Variants in GNA12 observed in about 807,000 individuals in gnomAD.
The protein encoded by GNA12 is guanine nucleotide-binding protein subunit alpha-12.
GNA12 carries 9 observed loss-of-function variants against 26.0 expected under a neutral mutation model. That is an observed-to-expected ratio of 0.35 (90% CI 0.21 to 0.60). The LOEUF (loss-of-function observed/expected upper bound fraction) is 0.60, where lower values mean the gene tolerates loss of function less well. Ranked by LOEUF, GNA12 falls within the 20% of genes least tolerant of loss-of-function variation. The pLI is 0.78. For missense variants in GNA12, 405 were observed against 525.8 expected (o/e 0.77, Z 2.25); for synonymous variants, 264 against 219.6 (o/e 1.20, Z -1.79).
At chr7:2,818,650 C>A (rs977992803) in intron 1 of GNA12, among the ~76,000 whole-genome samples, 8 of 151,976 alleles carry the variant, frequency 5.3e-5, no homozygotes, top group Admixed American at 2.0e-4. Context: ...GTAGTCCCAG[C>A]TCCTCAAGTG....
chr7:2,757,028 T>G (rs1216779551), intron 2 of GNA12, among the ~76,000 whole-genome samples: 1 of 152,070 alleles, frequency 6.6e-6, no homozygotes, highest in African/African-American at 2.4e-5. Context: ...GAACCGTGAT[T>G]GTGCCAGTGG....
chr7:2,811,929 C>T (rs565998575), intron 1 of GNA12, among the ~76,000 whole-genome samples: 7 of 152,346 alleles, frequency 4.6e-5, no homozygotes, highest in African/African-American at 1.7e-4. Context: ...TCTTATAAAA[C>T]GAAAGGAAAT....
chr7:2,801,022 T>A (rs1792796542), intron 1 of GNA12, among the ~76,000 whole-genome samples: 1 of 151,910 alleles, frequency 6.6e-6, no homozygotes, highest in South Asian at 2.1e-4. Flanking sequence ...GCACACAGAT[T>A]TCTCTGGCGA....
intron 2 of GNA12, among the ~76,000 whole-genome samples, chr7:2,773,111 T>G (rs1158456417): frequency 6.6e-6 from 1 of 151,298 alleles, no homozygotes; most frequent in Non-Finnish European, 1.5e-5. Context: ...CCAGGAGGAG[T>G]GGTATCAATG....
Position 2,731,274 on chromosome 7 carries a change from G to T in GNA12, c.1053C>A (p.Thr351=). ...GGACGTTCTCGGTGTCGATGGCGGT[G>T]GTGAAGTGGTGGAAGAGTGGCTTGC... is the stretch of plus-strand genomic sequence containing the variant. ...NRSKPLFHHF[T]TAIDTENVRF... is the part of the protein sequence containing the mutation. The change falls in exon 4 of 4, where the codon ACC becomes ACA. Residue 351 remains threonine, a synonymous_variant. Coordinates refer to ENST00000275364, the MANE Select transcript of GNA12 (RefSeq NM_007353.3). The surrounding 1 kb of genome is among the most constrained non-coding windows in gnomAD (Gnocchi z 6.0). The T allele has an allele frequency of 6.2e-7, 1 of 1,613,424 alleles. No individual in the cohort carries two copies. The highest frequency in any genetic ancestry group is 1.1e-5 in the South Asian group (1 of 90,968).
intron 1 of GNA12, among the ~76,000 whole-genome samples, chr7:2,796,978 G>A (rs1792692465): frequency 6.6e-6 from 1 of 152,164 alleles, no homozygotes; most frequent in African/African-American, 2.4e-5. Flanking sequence ...GGTCTACACT[G>A]GGGGTATACA....
At chr7:2,842,110 G>GGAAGAAAGGAAGGAAAGGAAGAAAAGGAA (rs1554264371) in intron 1 of GNA12, among the ~76,000 whole-genome samples, 51 of 145,474 alleles carry the variant, frequency 3.5e-4, no homozygotes, top group African/African-American at 1.0e-3. Context: ...AAGGAAGGAA[G>GGAAGAAAGGAAGGAAAGGAAGAAAAGGAA]GGAAGGGAGG....
At chr7:2,766,714 A>C (rs878969187) in intron 2 of GNA12, among the ~76,000 whole-genome samples, 2 of 152,140 alleles carry the variant, frequency 1.3e-5, no homozygotes, top group Non-Finnish European at 2.9e-5. Context: ...ATTGTGAATA[A>C]AGTTGCTATA....
At chr7:2,755,121 C>T (rs1324110625) in intron 2 of GNA12, among the ~76,000 whole-genome samples, 2 of 152,104 alleles carry the variant, frequency 1.3e-5, no homozygotes, top group African/African-American at 2.4e-5. Flanking sequence ...TGTCCAGTGA[C>T]CTCGTGTCTC....
At chr7:2,762,764 C>A in intron 2 of GNA12, 1 of 1,549,076 alleles carries the variant, frequency 6.5e-7, no homozygotes, top group Admixed American at 2.0e-5. Context: ...CAGGCCCGTC[C>A]TTTCCACCCA....
chr7:2,735,209 AG>A lies in GNA12; in HGVS notation c.526-1709del, dbSNP rs528210967. ...CCTGGGCCTCGGGAGGTGCCACGCAAGCCCAAGAAGCATCAGCATACTGTCC... is the reference window on the plus strand; with the variant it reads ...CCTGGGCCTCGGGAGGTGCCACGCAACCCAAGAAGCATCAGCATACTGTCC... On this transcript the variant is annotated intron_variant, in intron 2 of 3. Coordinates refer to ENST00000275364, the MANE Select transcript of GNA12 (RefSeq NM_007353.3). 3.4e-3 allele frequency among the ~76,000 whole-genome samples: 521 copies of A among 152,258 alleles called. 4 individuals are homozygous for A. The highest frequency in any genetic ancestry group is 4.9e-3 in the Non-Finnish European group (334 of 68,014).
chr7:2,762,810 C>T (rs1272900501), intron 2 of GNA12: 26 of 1,528,762 alleles, frequency 1.7e-5, no homozygotes, highest in Non-Finnish European at 2.2e-5. Context: ...CTCAGGGCGG[C>T]CTCCCATCCG....
At chr7:2,741,710 A>C (rs144581671) in intron 2 of GNA12, among the ~76,000 whole-genome samples, 125 of 152,068 alleles carry the variant, frequency 8.2e-4, no homozygotes, top group African/African-American at 2.8e-3. Context: ...GACTTTTAAA[A>C]ATCCGTCATC....
chr7:2,782,941 T>G (rs1341289366), intron 2 of GNA12, among the ~76,000 whole-genome samples: 1 of 152,274 alleles, frequency 6.6e-6, no homozygotes, highest in East Asian at 1.9e-4. Context: ...TAGTTTTAAA[T>G]GTTCAATTCT....
chr7:2,774,775 G>A (rs566710747), intron 2 of GNA12, among the ~76,000 whole-genome samples: 2 of 152,198 alleles, frequency 1.3e-5, no homozygotes, highest in South Asian at 4.1e-4. Context: ...ATAAACATAA[G>A]TACAAAGCCC....
intron 2 of GNA12, among the ~76,000 whole-genome samples, chr7:2,767,775 C>A (rs922091613): frequency 6.6e-6 from 1 of 152,228 alleles, no homozygotes; most frequent in African/African-American, 2.4e-5. Flanking sequence ...ACCAAATCCT[C>A]ATCGTAAATA....
intron 2 of GNA12, among the ~76,000 whole-genome samples, chr7:2,783,673 T>C (rs1792288528): frequency 6.7e-6 from 1 of 148,842 alleles, no homozygotes; most frequent in Admixed American, 6.7e-5. Context: ...TTTATTTATT[T>C]ATTTATTTAT....
chr7:2,741,614 A>G (rs991938564), intron 2 of GNA12, among the ~76,000 whole-genome samples: 1 of 152,092 alleles, frequency 6.6e-6, no homozygotes, highest in Non-Finnish European at 1.5e-5. Context: ...AATAGTACAA[A>G]GAGCTCATAC....
chr7:2,813,509 G>A (rs542678147), intron 1 of GNA12, among the ~76,000 whole-genome samples: 17 of 152,146 alleles, frequency 1.1e-4, no homozygotes, highest in Non-Finnish European at 2.2e-4. Context: ...CTTGCAGGAA[G>A]CCACCACAAT....
Sources: allele counts gnomAD v4.1 joint callset (sites outside exome capture counted in the v4.1 genomes callset), GRCh38; gene constraint gnomAD v4.1.1; non-coding constraint Gnocchi (gnomAD v3.1); transcripts MANE v1.5; gene names NCBI Gene and HGNC (gene_info 2026-07-23, HGNC 2026-07-21).